The following DMD variants were observed in gnomAD, a reference collection of about 807,000 sequenced individuals.
The protein encoded by DMD is mutant dystrophin.
A neutral mutation model predicts 330.1 loss-of-function variants in DMD; 63 were observed. The ratio of observed to expected loss-of-function variants is 0.19; its 90% CI spans 0.16 to 0.24. DMD has a LOEUF of 0.24. Among genes scored for constraint, DMD ranks in the 10% least tolerant of loss-of-function variants. The pLI is 1.00. For synonymous variants in DMD, 1,223 were observed against 959.8 expected, an observed-to-expected ratio of 1.27 and a Z score of -5.07; for missense variants, 3,344 against 2,684.1, an observed-to-expected ratio of 1.25 and a Z score of -5.43.
intron 77 of DMD, 130 bp from the exon 78 acceptor site, chrX:31,126,803 G>GAAAAAAAAAAAAAAAAA (rs58738809): frequency 5.7e-6 from 1 of 175,675 alleles, no homozygotes; most frequent in African/African-American, 4.8e-5. Context: ...TTCTCTGCTG[G>GAAAAAAAAAAAAAAAAA]AAAAAAAAAA....
intron 1 of DMD, among the ~76,000 whole-genome samples, chrX:33,262,070 A>G (rs1315821417): frequency 2.7e-5 from 3 of 111,358 alleles, no homozygotes; most frequent in Non-Finnish European, 5.7e-5. Context: ...ATTAAAAGAT[A>G]AAACTCAATA....
intron 47 of DMD, among the ~76,000 whole-genome samples, chrX:31,901,663 T>A (rs1227837810): frequency 8.9e-6 from 1 of 111,925 alleles, no homozygotes; most frequent in African/African-American, 3.2e-5. Flanking sequence ...TGTCTATTCC[T>A]TTATTATTTT....
chrX:32,851,615 T>G (rs751102639), intron 2 of DMD, among the ~76,000 whole-genome samples: 5 of 112,512 alleles, frequency 4.4e-5, no homozygotes, highest in Non-Finnish European at 9.4e-5. Context: ...ATCACAGTAC[T>G]TGATTTTAAT....
rs187339186 is a variant in DMD, at chrX:32,671,584, C to T, written c.960+26286G>A. Among the ~76,000 whole-genome samples, 95 of 112,062 alleles carry T rather than the reference C, an allele frequency of 8.5e-4. 1 individual carries two copies. Among genetic ancestry groups the T allele is most frequent in the African/African-American group, 3.0e-3 (93 of 31,018 alleles). ...ATATAATCTGCACCTCTGCTAATTA[C>T]TCATTTTCCATTAAAATGTAAAAGT... On this transcript the variant is annotated intron_variant, in intron 9 of 78. Coordinates refer to ENST00000357033, the MANE Select transcript of DMD (RefSeq NM_004006.3).
intron 47 of DMD, among the ~76,000 whole-genome samples, chrX:31,909,518 GAAA>G (rs775462001): frequency 0.07 from 3,930 of 55,996 alleles, 68 homozygotes; most frequent in Non-Finnish European, 0.1. Context: ...AGAGAAATGT[GAAA>G]AAAAAAAAAA....
At chrX:31,670,915 T>C (rs2081732622) in intron 53 of DMD, among the ~76,000 whole-genome samples, 1 of 86,959 alleles carries the variant, frequency 1.1e-5, no homozygotes. Context: ...CAAAACCTTC[T>C]TTTTTTTTTT....
chrX:32,410,396 GA>G (rs1375205123), intron 30 of DMD, among the ~76,000 whole-genome samples: 1 of 111,593 alleles, frequency 9.0e-6, no homozygotes, highest in Non-Finnish European at 1.9e-5. Flanking sequence ...TATTATCAGG[GA>G]CATTCTTGGT....
intron 53 of DMD, among the ~76,000 whole-genome samples, chrX:31,663,094 T>C (rs2081224896): frequency 9.0e-6 from 1 of 111,686 alleles, no homozygotes; most frequent in Admixed American, 9.5e-5. Context: ...CTAGGTTAAG[T>C]CATGAGACAC....
At chrX:31,650,838 G>T (rs953000772) in intron 54 of DMD, among the ~76,000 whole-genome samples, 1 of 111,724 alleles carries the variant, frequency 9.0e-6, no homozygotes, top group Non-Finnish European at 1.9e-5. Flanking sequence ...AAAAGCACTG[G>T]AATCAAAGGG....
At chrX:31,569,642 G>GTATA (rs1556698821) in intron 55 of DMD, among the ~76,000 whole-genome samples, 1 of 73,874 alleles carries the variant, frequency 1.4e-5, no homozygotes, top group East Asian at 3.9e-4. Context: ...GTATATATAT[G>GTATA]TATATACGTA....
chrX:32,638,113 T>C (rs746724753), intron 11 of DMD, among the ~76,000 whole-genome samples: 13 of 112,028 alleles, frequency 1.2e-4, no homozygotes, highest in South Asian at 3.7e-4. Flanking sequence ...TAACCGAATG[T>C]CACGTTATCA....
At chrX:32,938,266 G>A (rs976135891) in intron 2 of DMD, among the ~76,000 whole-genome samples, 2 of 111,364 alleles carry the variant, frequency 1.8e-5, no homozygotes, top group Admixed American at 9.6e-5. Flanking sequence ...GAATTTATCG[G>A]GTTTGGGGTT....
intron 21 of DMD, among the ~76,000 whole-genome samples, chrX:32,483,071 T>G (rs1445598482): frequency 9.8e-6 from 1 of 101,608 alleles, no homozygotes. Flanking sequence ...TGCATACACA[T>G]GTGCAATTAT....
intron 62 of DMD, among the ~76,000 whole-genome samples, chrX:31,313,669 C>T (rs759704985): frequency 9.1e-6 from 1 of 110,258 alleles, no homozygotes; most frequent in South Asian, 4.0e-4. Flanking sequence ...TCATTATCCA[C>T]CCCTCACCCA....
chrX:32,777,075 T>A (rs2074226135), intron 7 of DMD, among the ~76,000 whole-genome samples: 1 of 108,991 alleles, frequency 9.2e-6, no homozygotes, highest in African/African-American at 3.4e-5. Context: ...TTTTTTGTTT[T>A]TACAGTAATT....
intron 2 of DMD, among the ~76,000 whole-genome samples, chrX:33,009,721 T>C (rs1192739566): frequency 3.5e-5 from 2 of 56,685 alleles, no homozygotes; most frequent in African/African-American, 1.6e-4. Context: ...TGTGTATATG[T>C]GTGTATATGT....
At chrX:31,530,931 T>C (rs1416672342) in intron 55 of DMD, among the ~76,000 whole-genome samples, 1 of 85,021 alleles carries the variant, frequency 1.2e-5, no homozygotes, top group African/African-American at 4.8e-5. Flanking sequence ...CGGTGTTTGG[T>C]TTTTTGTTCT....
At chrX:32,762,403 G>A (rs1352011424) in intron 7 of DMD, among the ~76,000 whole-genome samples, 1 of 111,457 alleles carries the variant, frequency 9.0e-6, no homozygotes, top group Non-Finnish European at 1.9e-5. Context: ...ATACAGTACT[G>A]AAGCCAACGG....
rs2061136880 is a variant in DMD at position 31,400,395 on chromosome X, TG to T, written c.9084+44085del. Among the ~76,000 whole-genome samples the T allele has an allele frequency of 2.7e-5, 3 of 111,846 alleles. No homozygotes were observed. In the South Asian group the frequency reaches 1.1e-3, roughly 42 times the overall value. On this transcript the variant is annotated intron_variant, in intron 60 of 78. Coordinates refer to ENST00000357033, the MANE Select transcript of DMD (RefSeq NM_004006.3). ...AAATGTACATCTTACATATATTGGT[TG>T]ATGTCTCATGTCTCCCTAAATATAT...
Sources: allele counts gnomAD v4.1 joint callset (sites outside exome capture counted in the v4.1 genomes callset), GRCh38; gene constraint gnomAD v4.1.1; transcripts MANE v1.5; gene names NCBI Gene and HGNC (gene_info 2026-07-23, HGNC 2026-07-21).